COX10: variants seen among roughly 807,000 people sequenced by gnomAD.
COX10 encodes the protein protoheme IX farnesyltransferase, mitochondrial.
Under a neutral mutation model 37.3 loss-of-function variants are expected in COX10, and 27 were observed. The ratio of observed to expected loss-of-function variants is 0.72; its 90% confidence interval spans 0.53 to 1.00. The LOEUF is 1.00. COX10 is among the 50% of genes least tolerant of loss of function. The probability of loss-of-function intolerance (pLI) is 0.00; values close to 1 mark genes in which losing one functional copy is unlikely to be tolerated. For missense variants in COX10, 475 were observed against 563.2 expected (o/e 0.84, Z 1.59); for synonymous variants, 222 against 229.1 (o/e 0.97, Z 0.28).
chr17:14,199,178 T>A (rs1477313328), intron 6 of COX10, among the ~76,000 whole-genome samples: 3 of 152,072 alleles, frequency 2.0e-5, no homozygotes, highest in African/African-American at 7.2e-5. Flanking sequence ...TGAGGTCTTG[T>A]CAGTTGTGCT....
intron 4 of COX10, among the ~76,000 whole-genome samples, chr17:14,111,350 A>C (rs543455165): frequency 2.6e-5 from 4 of 152,286 alleles, no homozygotes; most frequent in Non-Finnish European, 4.4e-5. Context: ...AACAACGATC[A>C]CAGGGGGAAC....
chr17:14,177,322 A>G (rs1954497295), intron 5 of COX10: 1 of 670,482 alleles, frequency 1.5e-6, no homozygotes, highest in Admixed American at 2.4e-5. Context: ...AAGGAAAAAA[A>G]AGAAAATACC....
chr17:14,189,651 T>G (rs3888175), intron 5 of COX10, among the ~76,000 whole-genome samples: 35,443 of 152,196 alleles, frequency 0.23, 5,170 homozygotes, highest in Admixed American at 0.32. Context: ...AGTATGAGTT[T>G]ATTTTGGTGC....
intron 4 of COX10, among the ~76,000 whole-genome samples, chr17:14,137,522 G>A (rs1173002852): frequency 6.6e-6 from 1 of 151,810 alleles, no homozygotes. Flanking sequence ...CATATCCTAA[G>A]TGAAAGTAAA....
intron 6 of COX10, among the ~76,000 whole-genome samples, chr17:14,198,522 T>C (rs1000834035): frequency 6.6e-6 from 1 of 152,224 alleles, no homozygotes; most frequent in Admixed American, 6.5e-5. Context: ...GCCTTTGGCT[T>C]GTGATTCAAA....
intron 4 of COX10, among the ~76,000 whole-genome samples, chr17:14,140,980 C>A (rs1260932649): frequency 6.6e-6 from 1 of 151,964 alleles, no homozygotes; most frequent in East Asian, 1.9e-4. Flanking sequence ...TATATTGGTA[C>A]AAACTAGTGT....
chr17:14,129,092 C>T (rs907156828), intron 4 of COX10, among the ~76,000 whole-genome samples: 10 of 151,274 alleles, frequency 6.6e-5, no homozygotes, highest in East Asian at 1.9e-4. Flanking sequence ...GTGGTTGGCC[C>T]GCCTTGGCCT....
At chr17:14,204,718 C>T (rs1906642941) in intron 6 of COX10, among the ~76,000 whole-genome samples, 1 of 152,126 alleles carries the variant, frequency 6.6e-6, no homozygotes, top group Non-Finnish European at 1.5e-5. Context: ...TAGGTGCACA[C>T]ACTCACACAG....
At chr17:14,099,154 T>G (rs1156976385) in intron 3 of COX10, among the ~76,000 whole-genome samples, 1 of 152,136 alleles carries the variant, frequency 6.6e-6, no homozygotes, top group Non-Finnish European at 1.5e-5. Context: ...CTTATATCTG[T>G]GCATGTCTCT....
In COX10 at chr17:14,133,785, A is replaced by G. The variant is rs995867270; in HGVS notation, c.625-26092A>G. Among the ~76,000 whole-genome samples, 8 of 151,752 alleles carry G rather than the reference A, an allele frequency of 5.3e-5. No individual in the cohort carries two copies. In the South Asian group the frequency reaches 1.7e-3, roughly 31 times the overall value. ...TCATGAGATTTTATCATAATTGCAG[A>G]TAAGAAATTTTCTTTAAAATAGTGT... On this transcript the variant is annotated intron_variant, in intron 4 of 6. Transcript: ENST00000261643.
At chr17:14,084,282 A>T (rs1416199462) in intron 3 of COX10, among the ~76,000 whole-genome samples, 1 of 152,060 alleles carries the variant, frequency 6.6e-6, no homozygotes, top group African/African-American at 2.4e-5. Flanking sequence ...ATATTTACTA[A>T]ATGTTATAGT....
chr17:14,162,360 G>C (rs1270353752), intron 5 of COX10, among the ~76,000 whole-genome samples: 1 of 151,998 alleles, frequency 6.6e-6, no homozygotes. Flanking sequence ...CACACATAAC[G>C]CTATATTTGC....
At chr17:14,090,478 A>C (rs571988146) in intron 3 of COX10, among the ~76,000 whole-genome samples, 76 of 152,146 alleles carry the variant, frequency 5.0e-4, no homozygotes, top group Non-Finnish European at 9.6e-4. Context: ...AAGAATAGTA[A>C]ACTTGACAAT....
At chr17:14,090,901 CCATTG>C (rs1326689141) in intron 3 of COX10, among the ~76,000 whole-genome samples, 1 of 152,182 alleles carries the variant, frequency 6.6e-6, no homozygotes, top group East Asian at 1.9e-4. Flanking sequence ...TATTACATTT[CCATTG>C]CCCAGCGCGG....
intron 3 of COX10, chr17:14,077,385 A>G (rs1457835494): frequency 6.5e-6 from 2 of 306,410 alleles, no homozygotes; most frequent in Non-Finnish European, 1.2e-5. Flanking sequence ...GGTTTTGTCA[A>G]CTTGAGTTCT....
chr17:14,081,054 A>T (rs781491828), intron 3 of COX10, among the ~76,000 whole-genome samples: 6 of 152,332 alleles, frequency 3.9e-5, no homozygotes, highest in Non-Finnish European at 8.8e-5. Flanking sequence ...TAGAGCAAGG[A>T]TCACCTGTTT....
At chr17:14,081,269 G>A (rs1424809355) in intron 3 of COX10, among the ~76,000 whole-genome samples, 1 of 152,162 alleles carries the variant, frequency 6.6e-6, no homozygotes, top group Non-Finnish European at 1.5e-5. Flanking sequence ...CAGACAAATA[G>A]TGGTGGTCAA....
chr17:14,192,465 G>T (rs1047968925), intron 6 of COX10, among the ~76,000 whole-genome samples: 36 of 152,148 alleles, frequency 2.4e-4, no homozygotes, highest in African/African-American at 8.5e-4. Flanking sequence ...AAAAAAGGAA[G>T]CAGTGCTGCC....
At chr17:14,125,971 A>G (rs1007398896) in intron 4 of COX10, among the ~76,000 whole-genome samples, 5 of 152,200 alleles carry the variant, frequency 3.3e-5, no homozygotes, top group African/African-American at 9.6e-5. Flanking sequence ...AAGCCATCAG[A>G]CAACCTCCAT....
Sources: allele counts gnomAD v4.1 joint callset (sites outside exome capture counted in the v4.1 genomes callset), GRCh38; gene constraint gnomAD v4.1.1; transcripts MANE v1.5; gene names NCBI Gene and HGNC (gene_info 2026-07-23, HGNC 2026-07-21).